Variants in CRAMP1 observed in about 807,000 individuals in gnomAD.
The protein encoded by CRAMP1 is cramped chromatin regulator 1.
Under a neutral mutation model 115.4 loss-of-function variants are expected in CRAMP1, and 50 were observed. That is an observed-to-expected ratio of 0.43 (90% confidence interval 0.35 to 0.55). The LOEUF is 0.55. Among genes scored for constraint, CRAMP1 ranks in the 20% least tolerant of loss-of-function variants. CRAMP1 has a pLI of 0.01. For missense variants in CRAMP1, 1,679 were observed against 1,721.7 expected (o/e 0.98, Z 0.44); for synonymous variants, 866 against 745.4 (o/e 1.16, Z -2.64).
rs1472892674 is a variant in CRAMP1 at position 1,614,201 on chromosome 16, A to T, written c.-1-438A>T. ...GGCGCAGGGAGCGAGGCCGGCGCGC[A>T]GGGCCAGGCCATGAGCCGCGGCCCC... On this transcript the variant is annotated intron_variant, in intron 1 of 20. Coordinates refer to ENST00000397412, the MANE Select transcript of CRAMP1 (RefSeq NM_020825.4). This position sits in a 1 kb window ranked among gnomAD's most constrained non-coding sequence, Gnocchi z 4.4. Among the ~76,000 whole-genome samples, 1 of 145,798 alleles carries T rather than the reference A, an allele frequency of 6.9e-6. No homozygotes were observed. Among genetic ancestry groups the T allele is most frequent in the Non-Finnish European group, 1.5e-5 (1 of 65,826 alleles).
chr16:1,632,658 C>T (rs28510594), intron 4 of CRAMP1, among the ~76,000 whole-genome samples: 20 of 152,250 alleles, frequency 1.3e-4, no homozygotes, highest in African/African-American at 4.6e-4. Flanking sequence ...TTCTGGGTCC[C>T]TGGCTCACCT....
chr16:1,620,542 A>G (rs1187523454), intron 2 of CRAMP1: 6 of 432,686 alleles, frequency 1.4e-5, no homozygotes, highest in East Asian at 7.3e-5. Flanking sequence ...AAGGAAGTTC[A>G]CCAAACCACA....
chr16:1,672,820 G>A lies in CRAMP1; in HGVS notation c.3646-1061G>A, dbSNP rs997558017. ...GCTCATGGGACAAGATCCCGGTGCC[G>A]AGGCCCTCCCGTCCTCCGTCTCCTC... is the stretch of plus-strand genomic sequence containing the variant. On this transcript the variant is annotated intron_variant, in intron 20 of 20. Transcript: ENST00000397412. This position sits in a 1 kb window ranked among gnomAD's most constrained non-coding sequence, Gnocchi z 4.9. Among the ~76,000 whole-genome samples, 2 of 152,194 alleles carry A rather than the reference G, an allele frequency of 1.3e-5. No homozygotes were observed. Among genetic ancestry groups the A allele is most frequent in the Non-Finnish European group, 2.9e-5 (2 of 68,040 alleles).
chr16:1,655,137 G>C (rs2036759803), intron 8 of CRAMP1, 82 bp from the exon 9 acceptor site: 2 of 1,249,796 alleles, frequency 1.6e-6, no homozygotes, highest in Non-Finnish European at 2.3e-6. Flanking sequence ...GCACCCTCCT[G>C]CTGTAAGCAG....
intron 6 of CRAMP1, among the ~76,000 whole-genome samples, chr16:1,649,785 A>ATTTTTTTTTTTTTTTTTTTTTTTTTTTTT (rs35942594): frequency 1.5e-5 from 1 of 65,738 alleles, no homozygotes; most frequent in Non-Finnish European, 2.6e-5. Context: ...ATGAGCCACT[A>ATTTTTTTTTTTTTTTTTTTTTTTTTTTTT]TTTTTTTTTT....
intron 2 of CRAMP1, among the ~76,000 whole-genome samples, chr16:1,621,742 G>A (rs1323854345): frequency 1.3e-5 from 2 of 152,012 alleles, no homozygotes; most frequent in African/African-American, 2.4e-5. Flanking sequence ...CACTGTTGGC[G>A]ATCCTGCTTC....
rs141778673 is a variant in CRAMP1 at position 1,619,476 on chromosome 16, C to T, written c.346+4491C>T. Among the ~76,000 whole-genome samples, 139 of 152,254 alleles carry T rather than the reference C, an allele frequency of 9.1e-4. 2 individuals are homozygous for T. In the East Asian group the frequency reaches 0.02, roughly 22 times the overall value. On this transcript the variant is annotated intron_variant, in intron 2 of 20. Coordinates refer to ENST00000397412, the MANE Select transcript of CRAMP1 (RefSeq NM_020825.4). The stretch of plus-strand genomic sequence containing the variant: ...GATTTCAGGCGTGAGCCACTGCGCC[C>T]GGCACAACAGCGTTTTTAACACTAA...
chr16:1,653,564 T>A (rs901267775), intron 8 of CRAMP1, among the ~76,000 whole-genome samples: 1 of 152,220 alleles, frequency 6.6e-6, no homozygotes, highest in Non-Finnish European at 1.5e-5. Context: ...GTGCAGAGGC[T>A]CACGCCTATA....
intron 6 of CRAMP1, among the ~76,000 whole-genome samples, chr16:1,641,760 C>T (rs1011066680): frequency 2.6e-5 from 4 of 152,210 alleles, no homozygotes; most frequent in African/African-American, 9.6e-5. Context: ...CAGGGCAGGG[C>T]CCCGCCACCC....
chr16:1,614,662 G>T lies in CRAMP1; in HGVS notation c.23G>T (p.Gly8Val). The T allele has an allele frequency of 7.7e-7, 1 of 1,291,010 alleles. No individual in the cohort carries two copies. Among genetic ancestry groups the T allele is most frequent in the African/African-American group, 1.6e-5 (1 of 64,394 alleles). The allele number at this position is 1,291,010 out of a possible 1,614,324, so 80.0% of individuals were successfully genotyped here. ...AGGATGACAGTGAAGTTGGGCGACG[G>T]CGGCAGCGGGGAGGACGGGCTCAAG... is the stretch of plus-strand genomic sequence containing the variant. MTVKLGDGGSGEDGLKKL... is the reference protein window; with the variant it reads MTVKLGDVGSGEDGLKKL... Residue 8 changes from glycine (G) to valine (V), a missense_variant, in exon 2 of 21, where the codon GGC (glycine) becomes GTC (valine). Transcript: ENST00000397412. The surrounding 1 kb of genome is among the most constrained non-coding windows in gnomAD (Gnocchi z 4.4).
rs756656583 is a variant in CRAMP1, at chr16:1,653,063, T to C, written c.944T>C (p.Val315Ala). The change falls in exon 8 of 21, where the codon GTG becomes GCG. Residue 315 changes from valine (V) to alanine (A), a missense_variant. Transcript: ENST00000397412. The stretch of plus-strand genomic sequence containing the variant: ...AGTGATGAAGAGGACCAGAAGCCAG[T>C]GCGCCTGCCTCTGAAAGTCCCTATA... ...GLSDEEDQKPVRLPLKVPIEL... is the reference protein window; with the variant it reads ...GLSDEEDQKPARLPLKVPIEL... 8.7e-6 allele frequency: 14 copies of C among 1,611,270 alleles called. No homozygotes were observed. Among genetic ancestry groups the C allele is most frequent in the Non-Finnish European group, 1.2e-5 (14 of 1,178,984 alleles).
At chr16:1,651,746 G>T in intron 6 of CRAMP1, among the ~76,000 whole-genome samples, 1 of 150,512 alleles carries the variant, frequency 6.6e-6, no homozygotes, top group East Asian at 2.0e-4. Flanking sequence ...GTCACACAGA[G>T]GTCATAGAGA....
intron 10 of CRAMP1, among the ~76,000 whole-genome samples, 200 bp from the exon 11 acceptor site, chr16:1,659,686 C>T (rs763176457): frequency 6.6e-5 from 10 of 152,200 alleles, no homozygotes; most frequent in Admixed American, 1.3e-4. Flanking sequence ...CGCACCTGGC[C>T]GACCAGTAAC....
Position 1,662,354 on chromosome 16 carries a change from A to G in CRAMP1, c.2414-136A>G. 3 of 675,636 alleles carry G rather than the reference A, an allele frequency of 4.4e-6. No individual in the cohort carries two copies. In the South Asian group the frequency reaches 5.3e-5, roughly 12 times the overall value. The allele number at this position is 675,636 out of a possible 1,614,324, so 41.9% of individuals were successfully genotyped here. On this transcript the variant is annotated intron_variant, in intron 11 of 20. Coordinates refer to ENST00000397412, the MANE Select transcript of CRAMP1 (RefSeq NM_020825.4). The stretch of plus-strand genomic sequence containing the variant: ...CAGTCTTTATGTGGGACTGAGATAG[A>G]GGTGTCTCCTTTCAAGGCAGCCGAA...
chr16:1,656,597 G>T lies in CRAMP1; in HGVS notation c.1840G>T (p.Gly614Cys). 6.4e-7 allele frequency: 1 copy of T among 1,570,224 alleles called. No individual in the cohort carries two copies. ...SKEAADLAPT[G>C]PSPRPGPGLL... ...GGAGGCTGCTGACCTTGCTCCCACT[G>T]GCCCATCCCCGAGGCCCGGCCCCGG... The change falls in exon 10 of 21, where the codon GGC becomes TGC. Residue 614 changes from glycine (G) to cysteine (C), a missense_variant. Coordinates refer to ENST00000397412, the MANE Select transcript of CRAMP1 (RefSeq NM_020825.4). This position sits in a 1 kb window ranked among gnomAD's most constrained non-coding sequence, Gnocchi z 5.6.
intron 8 of CRAMP1, among the ~76,000 whole-genome samples, chr16:1,654,307 G>GT (rs1567457313): frequency 6.6e-6 from 1 of 150,568 alleles, no homozygotes; most frequent in Non-Finnish European, 1.5e-5. Flanking sequence ...CGTCTCCCAC[G>GT]TTTAAGTGAT....
In CRAMP1 at chr16:1,674,655, C is replaced by G. The variant is rs2036952151; in HGVS notation, c.*610C>G. 1 of 157,266 alleles carries G rather than the reference C, an allele frequency of 6.4e-6. No homozygotes were observed. Among genetic ancestry groups the G allele is most frequent in the Non-Finnish European group, 1.4e-5 (1 of 71,124 alleles). 9.7% of individuals were successfully genotyped at this position (157,266 alleles called of 1,614,324 possible). A position where few individuals can be genotyped will look rare whatever the true frequency, so the allele number is the denominator to read the frequency against. ...GGCCCTGGGCTGGTGCCTCCCCTCC[C>G]TAGAGGTTTTGTTCGTACTCTTAAC... On this transcript the variant is annotated 3_prime_UTR_variant, in exon 21 of 21. Coordinates refer to ENST00000397412, the MANE Select transcript of CRAMP1 (RefSeq NM_020825.4).
chr16:1,641,814 G>A (rs1313491045), intron 6 of CRAMP1, among the ~76,000 whole-genome samples: 1 of 151,388 alleles, frequency 6.6e-6, no homozygotes, highest in African/African-American at 2.4e-5. Context: ...CTTGGGGAAG[G>A]TCCCCACGCC....
intron 18 of CRAMP1, among the ~76,000 whole-genome samples, chr16:1,668,527 G>A (rs2036895356): frequency 6.6e-6 from 1 of 152,218 alleles, no homozygotes; most frequent in African/African-American, 2.4e-5. Context: ...CACAGCTTGT[G>A]AAGCAGTTGG....
Sources: allele counts gnomAD v4.1 joint callset (sites outside exome capture counted in the v4.1 genomes callset), GRCh38; gene constraint gnomAD v4.1.1; non-coding constraint Gnocchi (gnomAD v3.1); transcripts MANE v1.5; gene names NCBI Gene and HGNC (gene_info 2026-07-23, HGNC 2026-07-21).